Variants in ARHGEF12 observed in about 807,000 individuals in gnomAD.
The protein encoded by ARHGEF12 is KMT2A/ARHGEF12 fusion protein.
Under a neutral mutation model 211.2 loss-of-function variants are expected in ARHGEF12, and 66 were observed. The observed-to-expected ratio is 0.31, with a 90% CI of 0.26 to 0.38. ARHGEF12 has a LOEUF of 0.38. Ranked by LOEUF, ARHGEF12 falls within the 10% of genes least tolerant of loss-of-function variation. The pLI, the probability that ARHGEF12 is intolerant of heterozygous loss-of-function variation, is 1.00. For synonymous variants in ARHGEF12, 592 were observed against 638.4 expected (o/e 0.93, Z 1.09); for missense variants, 1,429 against 1,869.5 (o/e 0.76, Z 4.34).
At chr11:120,451,953 GA>G (rs1946227116) in intron 22 of ARHGEF12, among the ~76,000 whole-genome samples, 1 of 152,156 alleles carries the variant, frequency 6.6e-6, no homozygotes, top group South Asian at 2.1e-4. Context: ...CTTTGTCCCG[GA>G]TGTTAACATG....
intron 1 of ARHGEF12, among the ~76,000 whole-genome samples, chr11:120,396,531 C>T (rs1016245010): frequency 1.3e-5 from 2 of 152,170 alleles, no homozygotes; most frequent in Non-Finnish European, 2.9e-5. Flanking sequence ...TACTTCACCC[C>T]TGTGGTATTC....
chr11:120,359,772 T>C (rs929235653), intron 1 of ARHGEF12, among the ~76,000 whole-genome samples: 1 of 152,122 alleles, frequency 6.6e-6, no homozygotes, highest in Non-Finnish European at 1.5e-5. Flanking sequence ...CAGAAGTACT[T>C]TCAAAGGCTG....
intron 1 of ARHGEF12, among the ~76,000 whole-genome samples, chr11:120,347,150 T>C (rs1328727582): frequency 2.2e-5 from 1 of 44,636 alleles, no homozygotes; most frequent in Non-Finnish European, 4.1e-5. Context: ...CTTCCTTCCT[T>C]CCTTCCTTCC....
At chr11:120,471,873 T>C (rs1946879436) in intron 30 of ARHGEF12, among the ~76,000 whole-genome samples, 1 of 152,198 alleles carries the variant, frequency 6.6e-6, no homozygotes, top group African/African-American at 2.4e-5. Flanking sequence ...TACCCTTTGA[T>C]CCAACAGTTC....
At chr11:120,339,210 A>AT (rs202117486) in intron 1 of ARHGEF12, among the ~76,000 whole-genome samples, 37 of 150,296 alleles carry the variant, frequency 2.5e-4, no homozygotes, top group Admixed American at 6.6e-4. Context: ...GTTTCGTAGG[A>AT]TTTTTTTTTA....
At position 120,347,151 on chromosome 11, in the gene ARHGEF12, C is replaced by CTTTCTTTCTTTCTTT. The variant is rs1296663235; in HGVS notation, c.32+9876_32+9877insTTTCTTTCTTTCTTT. 3.3e-3 allele frequency among the ~76,000 whole-genome samples: 194 copies of CTTTCTTTCTTTCTTT among 58,530 alleles called. 10 individuals carry two copies. The highest frequency in any genetic ancestry group is 8.5e-3 in the African/African-American group (102 of 11,958). 38.4% of individuals were successfully genotyped at this position (58,530 alleles called of 152,430 possible). The stretch of plus-strand genomic sequence containing the variant: ...TCTTTCTTTCCTTCCTTCCTTCCTT[C>CTTTCTTTCTTTCTTT]CTTCCTTCCTTCCTTCCTTCCTTCC... On this transcript the variant is annotated intron_variant, in intron 1 of 40. Transcript: ENST00000397843.
At chr11:120,417,181 A>G (rs1945055848) in intron 4 of ARHGEF12, among the ~76,000 whole-genome samples, 1 of 152,002 alleles carries the variant, frequency 6.6e-6, no homozygotes, top group Admixed American at 6.6e-5. Context: ...CGTTTCCCTC[A>G]TGTTTTACAG....
At chr11:120,396,094 C>T (rs920468095) in intron 1 of ARHGEF12, among the ~76,000 whole-genome samples, 14 of 151,964 alleles carry the variant, frequency 9.2e-5, no homozygotes, top group African/African-American at 3.4e-4. Flanking sequence ...TATAGTGCCA[C>T]AAACAAGAAA....
chr11:120,386,983 A>G (rs2135478090), intron 1 of ARHGEF12, among the ~76,000 whole-genome samples: 1 of 152,186 alleles, frequency 6.6e-6, no homozygotes, highest in Admixed American at 6.5e-5. Flanking sequence ...TGACATCACA[A>G]ATAGTGATGC....
At chr11:120,372,313 G>C (rs188798964) in intron 1 of ARHGEF12, among the ~76,000 whole-genome samples, 4 of 151,812 alleles carry the variant, frequency 2.6e-5, no homozygotes, top group Admixed American at 2.6e-4. Context: ...GATCTCCTCT[G>C]ATCTTTTTTT....
At chr11:120,433,998 A>G (rs1945623731) in intron 11 of ARHGEF12, among the ~76,000 whole-genome samples, 1 of 152,148 alleles carries the variant, frequency 6.6e-6, no homozygotes, top group African/African-American at 2.4e-5. Flanking sequence ...TTTAGTATAG[A>G]AATAGGCATT....
At chr11:120,407,987 C>G (rs1314081114) in intron 3 of ARHGEF12, 164 bp downstream of exon 3, 3 of 543,950 alleles carry the variant, frequency 5.5e-6, no homozygotes, top group Non-Finnish European at 9.5e-6. Flanking sequence ...AGTAGGAATG[C>G]AAGCATTTTT....
chr11:120,373,703 A>T (rs1001821018), intron 1 of ARHGEF12, among the ~76,000 whole-genome samples: 1 of 151,756 alleles, frequency 6.6e-6, no homozygotes, highest in African/African-American at 2.4e-5. Context: ...TCCCCCTTCT[A>T]TGTTTTTTTC....
chr11:120,467,348 A>G, intron 29 of ARHGEF12, 40 bp downstream of exon 29: 1 of 1,215,210 alleles, frequency 8.2e-7, no homozygotes, highest in Non-Finnish European at 1.2e-6. Flanking sequence ...TAAGAACAAC[A>G]ACAACGAAAC....
intron 24 of ARHGEF12, 132 bp downstream of exon 24, chr11:120,457,888 TAAG>T: frequency 8.6e-7 from 1 of 1,162,018 alleles, no homozygotes; most frequent in Non-Finnish European, 1.2e-6. Context: ...AGAAAGCTCT[TAAG>T]AAACACTGGT....
At chr11:120,385,847 C>G (rs1264261166) in intron 1 of ARHGEF12, among the ~76,000 whole-genome samples, 1 of 152,054 alleles carries the variant, frequency 6.6e-6, no homozygotes, top group Non-Finnish European at 1.5e-5. Context: ...TCTCTTGAAT[C>G]TTAGAGACTT....
intron 1 of ARHGEF12, among the ~76,000 whole-genome samples, chr11:120,403,526 A>T (rs1023505396): frequency 6.6e-6 from 1 of 152,116 alleles, no homozygotes; most frequent in Admixed American, 6.5e-5. Flanking sequence ...AGGAAAAAAA[A>T]AAAAGGCATC....
Position 120,395,763 on chromosome 11 carries a change from C to G in ARHGEF12, c.33-10355C>G, listed in dbSNP as rs12804614. Among the ~76,000 whole-genome samples, 1,081 of 152,062 alleles carry G rather than the reference C, an allele frequency of 7.1e-3. 10 individuals carry two copies. Among genetic ancestry groups the G allele is most frequent in the Middle Eastern group, 0.014 (4 of 294 alleles). On this transcript the variant is annotated intron_variant, in intron 1 of 40. Coordinates refer to ENST00000397843, the MANE Select transcript of ARHGEF12 (RefSeq NM_015313.3). ...CCCAAGAACAGCATGGGAAAAGACC[C>G]CCCCCCTTCATGATTCAATTACCTC...
intron 1 of ARHGEF12, among the ~76,000 whole-genome samples, chr11:120,392,906 T>C (rs1230243160): frequency 6.6e-6 from 1 of 152,180 alleles, no homozygotes; most frequent in African/African-American, 2.4e-5. Context: ...GGAATTACTG[T>C]TAGGCCAAAA....
Sources: gnomAD v4.1 joint callset for allele counts (sites outside exome capture counted in the v4.1 genomes callset) on GRCh38, gnomAD v4.1.1 for gene constraint, MANE v1.5 for transcripts, NCBI Gene and HGNC (gene_info 2026-07-23, HGNC 2026-07-21) for gene names.